The following SULT1E1 variants were observed in gnomAD, a reference collection of about 807,000 sequenced individuals.
The protein encoded by SULT1E1 is sulfotransferase family 1E member 1.
SULT1E1 carries 36 observed loss-of-function variants against 33.6 expected under a neutral mutation model. The ratio of observed to expected loss-of-function variants is 1.07; its 90% confidence interval spans 0.82 to 1.41. The LOEUF is 1.41. Among genes scored for constraint, SULT1E1 ranks in the 40% most tolerant of loss-of-function variants. The pLI, the probability that SULT1E1 is intolerant of heterozygous loss-of-function variation, is 0.00. For missense variants in SULT1E1, 371 were observed against 345.7 expected (o/e 1.07, Z -0.58); for synonymous variants, 121 against 111.7 (o/e 1.08, Z -0.53).
chr4:69,844,666 C>T (rs1435989347), intron 6 of SULT1E1, among the ~76,000 whole-genome samples: 4 of 152,022 alleles, frequency 2.6e-5, no homozygotes, highest in African/African-American at 9.7e-5. Context: ...CTAAAGTCCC[C>T]TGTGAAAAAT....
intron 4 of SULT1E1, among the ~76,000 whole-genome samples, chr4:69,851,428 C>T (rs868394290): frequency 6.6e-5 from 10 of 152,214 alleles, no homozygotes; most frequent in Non-Finnish European, 1.3e-4. Flanking sequence ...AATGAGATAC[C>T]GTCTCACACC....
the SULT1E1 span, among the ~76,000 whole-genome samples, chr4:69,833,476 C>T: frequency 4.6e-5 from 7 of 152,204 alleles, no homozygotes; most frequent in Non-Finnish European, 8.8e-5. Context: ...AAGGAACTTA[C>T]TGTCTGGTTC....
chr4:69,854,177 G>T, intron 4 of SULT1E1, 40 bp downstream of exon 4: 1 of 1,442,616 alleles, frequency 6.9e-7, no homozygotes, highest in Non-Finnish European at 9.7e-7. Context: ...ATCATTTCTT[G>T]GAATTGGATG....
rs1721050873 is a variant in SULT1E1 at position 69,849,380 on chromosome 4, T to C, written c.496+57A>G. 25 of 1,577,774 alleles carry C rather than the reference T, an allele frequency of 1.6e-5. No individual in the cohort carries two copies. The East Asian group carries it at 5.6e-4, about 36-fold the overall frequency. ...ACAGTTAAAAACTTTTACTTGGAGA[T>C]GGCATTTGTCTTATAAAACCTTGAA... On this transcript the variant is annotated intron_variant, in intron 5 of 7. Transcript: ENST00000226444.
At chr4:69,841,108 C>T (rs2110064091), downstream of SULT1E1, 1 of 151,930 alleles carries the variant, frequency 6.6e-6, no homozygotes, top group East Asian at 1.9e-4. Flanking sequence ...AGTTATGCCC[C>T]CTATTTATAT....
At chr4:69,834,124 C>A in the SULT1E1 span, among the ~76,000 whole-genome samples, 1 of 152,090 alleles carries the variant, frequency 6.6e-6, no homozygotes, top group African/African-American at 2.4e-5. Context: ...TTATCCAGAT[C>A]CTACTCCTTC....
rs1721057726 is a variant in SULT1E1 at position 69,849,554 on chromosome 4, GAT to G, written c.377_378del (p.Tyr126SerfsTer47). The G allele has an allele frequency of 6.2e-7, 1 of 1,604,892 alleles. No individual in the cohort carries two copies. Among genetic ancestry groups the G allele is most frequent in the South Asian group, 1.1e-5 (1 of 89,558 alleles). On this transcript the variant is annotated frameshift_variant, in exon 5 of 8. Transcript: ENST00000226444. LOFTEE classifies it high-confidence loss of function. ...GCCACATCCTTTGCATTCCGGCAAAGATAGATTATCTAAGAGGATGAAATTGT... is the reference window on the plus strand; with the variant it reads ...GCCACATCCTTTGCATTCCGGCAAAGAGATTATCTAAGAGGATGAAATTGT... ...SFWEKDCKII[Y>X]LCRNAKDVAV...
At chr4:69,827,229 A>C in the SULT1E1 span, among the ~76,000 whole-genome samples, 1 of 152,178 alleles carries the variant, frequency 6.6e-6, no homozygotes, top group Admixed American at 6.5e-5. Context: ...CTGGCCTTTA[A>C]TGAAAAGAAT....
chr4:69,850,607 T>C (rs1349556400), intron 4 of SULT1E1, among the ~76,000 whole-genome samples: 1 of 152,116 alleles, frequency 6.6e-6, no homozygotes. Flanking sequence ...TTTCCAATCT[T>C]ACTTATAACC....
In SULT1E1 at chr4:69,847,132, A is replaced by G. The variant is rs569399248; in HGVS notation, c.591+566T>C. Among the ~76,000 whole-genome samples, 4 of 151,856 alleles carry G rather than the reference A, an allele frequency of 2.6e-5. No individual in the cohort carries two copies. In the South Asian group the frequency reaches 6.2e-4, roughly 24 times the overall value. On this transcript the variant is annotated intron_variant, in intron 6 of 7. Coordinates refer to ENST00000226444, the MANE Select transcript of SULT1E1 (RefSeq NM_005420.3). ...CCATCTTTTACTTCAATAATTCACT[A>G]TGTAGCCATGTCTAATCTATTATTG...
At chr4:69,830,823 G>C in the SULT1E1 span, among the ~76,000 whole-genome samples, 1 of 152,184 alleles carries the variant, frequency 6.6e-6, no homozygotes, top group Non-Finnish European at 1.5e-5. Context: ...GTCTATAAAA[G>C]CCTGTGGCTT....
rs1721052054 is a variant in SULT1E1, at chr4:69,849,429, G to A, written c.496+8C>T. 1 of 1,609,928 alleles carries A rather than the reference G, an allele frequency of 6.2e-7. No individual in the cohort carries two copies. Among genetic ancestry groups the A allele is most frequent in the Non-Finnish European group, 8.5e-7 (1 of 1,177,206 alleles). ...AAAAAAAATTCAGTGTAAAGAAGCT[G>A]TTCCTACCCTGTCCTTGCATGAATT... On this transcript the variant is annotated splice_region_variant and intron_variant, in intron 5 of 7. Transcript: ENST00000226444.
chr4:69,834,563 T>A, the SULT1E1 span, among the ~76,000 whole-genome samples: 1 of 152,184 alleles, frequency 6.6e-6, no homozygotes, highest in Non-Finnish European at 1.5e-5. Context: ...TTTATCCATT[T>A]CTTCTAATAA....
intron 5 of SULT1E1, 123 bp from the exon 6 acceptor site, chr4:69,847,915 C>G (rs935524653): frequency 7.5e-6 from 4 of 532,148 alleles, no homozygotes; most frequent in South Asian, 6.0e-5. Context: ...TAGAATAGAT[C>G]AGCTGTATAT....
chr4:69,839,295 C>A (rs1422933386), downstream of SULT1E1, among the ~76,000 whole-genome samples: 2 of 152,106 alleles, frequency 1.3e-5, no homozygotes, highest in African/African-American at 4.8e-5. Flanking sequence ...GGCCTTTTTG[C>A]TGCAACATAA....
chr4:69,859,931 A>T (rs911511052), intron 1 of SULT1E1, 118 bp downstream of exon 1: 2 of 152,128 alleles, frequency 1.3e-5, no homozygotes, highest in African/African-American at 4.8e-5. Flanking sequence ...CTAAAGTATC[A>T]ATCAAGACTT....
chr4:69,857,350 A>G lies in SULT1E1; in HGVS notation c.145+150T>C, dbSNP rs945114417. 12 of 951,972 alleles carry G rather than the reference A, an allele frequency of 1.3e-5. No homozygotes were observed. The East Asian group carries it at 3.0e-4, about 24-fold the overall frequency. 59.0% of individuals were successfully genotyped at this position (951,972 alleles called of 1,614,324 possible). A position where few individuals can be genotyped will look rare whatever the true frequency, so the allele number is the denominator to read the frequency against. On this transcript the variant is annotated intron_variant, in intron 2 of 7. Coordinates refer to ENST00000226444, the MANE Select transcript of SULT1E1 (RefSeq NM_005420.3). ...TTACAGGTAAAAATTGTGGTCATGG[A>G]ATAGAGCTACCTTTTCTATGTCCAT...
intron 4 of SULT1E1, 124 bp from the exon 5 acceptor site, chr4:69,849,687 C>A: frequency 1.2e-6 from 1 of 828,246 alleles, no homozygotes; most frequent in Non-Finnish European, 1.8e-6. Context: ...TTACAAAATG[C>A]ATAAGACATG....
At position 69,841,825 on chromosome 4, in the gene SULT1E1, A is replaced by C. The variant is rs1480148022; in HGVS notation, c.*169T>G. 2.2e-6 allele frequency: 1 copy of C among 463,610 alleles called. No individual in the cohort carries two copies. Among genetic ancestry groups the C allele is most frequent in the Non-Finnish European group, 3.8e-6 (1 of 266,390 alleles). The allele number at this position is 463,610 out of a possible 1,614,324, so 28.7% of individuals were successfully genotyped here. On this transcript the variant is annotated 3_prime_UTR_variant, in exon 8 of 8. Coordinates refer to ENST00000226444, the MANE Select transcript of SULT1E1 (RefSeq NM_005420.3). ...CACTGTCCTCCAGCCTAGGCAACAG[A>C]GTGAGACTCTGTCTCAAAAAAAAAA...
Sources: allele counts gnomAD v4.1 joint callset (sites outside exome capture counted in the v4.1 genomes callset), GRCh38; gene constraint gnomAD v4.1.1; transcripts MANE v1.5; gene names NCBI Gene and HGNC (gene_info 2026-07-23, HGNC 2026-07-21).